The following SUPT6H variants were observed in gnomAD, a reference collection of about 807,000 sequenced individuals.
The protein encoded by SUPT6H is transcription elongation factor SPT6.
SUPT6H carries 11 observed loss-of-function variants against 222.3 expected under a neutral mutation model. The ratio of observed to expected loss-of-function variants is 0.05; its 90% CI spans 0.03 to 0.08. The LOEUF is 0.08. Among genes scored for constraint, SUPT6H ranks in the 10% least tolerant of loss-of-function variants. SUPT6H has a pLI of 1.00. For missense variants in SUPT6H, 1,422 were observed against 2,216.0 expected, an observed-to-expected ratio of 0.64 and a Z score of 7.19; for synonymous variants, 762 against 801.2, an observed-to-expected ratio of 0.95 and a Z score of 0.83.
intron 32 of SUPT6H, among the ~76,000 whole-genome samples, 180 bp downstream of exon 32, chr17:28,698,210 G>T (rs1464181372): frequency 6.6e-6 from 1 of 152,206 alleles, no homozygotes; most frequent in Non-Finnish European, 1.5e-5. Flanking sequence ...AGGCAAAAAG[G>T]CAAGGATTCA....
intron 1 of SUPT6H, 33 bp downstream of exon 1, chr17:28,662,375 A>G (rs1450264361): frequency 6.4e-6 from 1 of 157,206 alleles, no homozygotes; most frequent in Non-Finnish European, 1.4e-5. Context: ...TGTTTCTCGC[A>G]GGAGTCAGGT....
Position 28,687,338 on chromosome 17 carries a change from T to G in SUPT6H, c.2873T>G (p.Leu958Trp). ...GTGAAAGAGGAGCTGCTCAACGCCT[T>G]GTACTGTGAATTTATCAACCGAGTC... ...HVVKEELLNA[L>W]YCEFINRVNE... Residue 958 changes from leucine (L) to tryptophan (W), a missense_variant, in exon 23 of 37, where the codon TTG (leucine) becomes TGG (tryptophan). By Grantham distance (61) the Leu-to-Trp change is moderately conservative. Transcript: ENST00000314616. 9 of 1,614,152 alleles carry G rather than the reference T, an allele frequency of 5.6e-6. No individual in the cohort carries two copies. Among genetic ancestry groups the G allele is most frequent in the Middle Eastern group, 3.3e-4 (2 of 6,062 alleles).
At chr17:28,662,875 C>T (rs531798731) in intron 1 of SUPT6H, among the ~76,000 whole-genome samples, 3 of 152,302 alleles carry the variant, frequency 2.0e-5, no homozygotes, top group East Asian at 3.9e-4. Context: ...TCCTAAAGCC[C>T]GTCCATTCTC....
chr17:28,671,697 G>T (rs528293967), intron 1 of SUPT6H, among the ~76,000 whole-genome samples: 1 of 152,212 alleles, frequency 6.6e-6, no homozygotes, highest in Non-Finnish European at 1.5e-5. Flanking sequence ...GTTGGGGTTG[G>T]TTGGTACAGA....
At chr17:28,682,512 C>T (rs866052273) in intron 13 of SUPT6H, among the ~76,000 whole-genome samples, 7 of 151,984 alleles carry the variant, frequency 4.6e-5, no homozygotes, top group Non-Finnish European at 8.8e-5. Flanking sequence ...CCCAGCTACT[C>T]GGGAAAGCTG....
In SUPT6H at chr17:28,683,005, C is replaced by T. The variant is rs766127491; in HGVS notation, c.1791C>T (p.Ala597=). 1 of 1,613,962 alleles carries T rather than the reference C, an allele frequency of 6.2e-7. No individual in the cohort carries two copies. Among genetic ancestry groups the T allele is most frequent in the Non-Finnish European group, 8.5e-7 (1 of 1,179,942 alleles). The change falls in exon 15 of 37, where the codon GCC becomes GCT. Residue 597 remains alanine, a synonymous_variant. Transcript: ENST00000314616. ...GCTACATGGTAGCCCTGCAGATTGC[C>T]CGTGAGCCCCTTGTCCGGCAGGTGC... ...GARYMVALQI[A]REPLVRQVLR... is the part of the protein sequence containing the mutation.
At chr17:28,673,229 T>C in intron 1 of SUPT6H, 142 bp from the exon 2 acceptor site, 1 of 570,422 alleles carries the variant, frequency 1.8e-6, no homozygotes, top group Non-Finnish European at 3.1e-6. Context: ...ACCATCAGAT[T>C]CTTCTTTTCT....
intron 25 of SUPT6H, 52 bp from the exon 26 acceptor site, chr17:28,690,030 G>T: frequency 6.3e-7 from 1 of 1,575,346 alleles, no homozygotes; most frequent in Non-Finnish European, 8.6e-7. Context: ...ACTCCTTGAG[G>T]CTCAGGTTGG....
Position 28,697,679 on chromosome 17 carries a change from C to T in SUPT6H, c.4269C>T (p.Ala1423=), listed in dbSNP as rs2031983713. The part of the protein sequence containing the change: ...ARYVQPMASF[A]RDLLNHKYYQ... Reference sequence around the variant, plus strand: ...ATGTCCAGCCCATGGCATCCTTTGCCCGGGACCTTCTGAATCACAAGTATT... The same window carrying T: ...ATGTCCAGCCCATGGCATCCTTTGCTCGGGACCTTCTGAATCACAAGTATT... Residue 1423 remains alanine (A), a synonymous_variant, in exon 31 of 37, where the codon GCC becomes GCT. Coordinates refer to ENST00000314616, the MANE Select transcript of SUPT6H (RefSeq NM_003170.5). 6.2e-7 allele frequency: 1 copy of T among 1,614,100 alleles called. No homozygotes were observed. Among genetic ancestry groups the T allele is most frequent in the South Asian group, 1.1e-5 (1 of 91,090 alleles).
intron 2 of SUPT6H, among the ~76,000 whole-genome samples, chr17:28,673,927 A>T (rs2030582252): frequency 6.6e-6 from 1 of 152,226 alleles, no homozygotes; most frequent in South Asian, 2.1e-4. Flanking sequence ...GGGACGTACA[A>T]GTTTTATCAA....
intron 2 of SUPT6H, 52 bp from the exon 3 acceptor site, chr17:28,674,231 A>C: frequency 6.2e-7 from 1 of 1,608,216 alleles, no homozygotes; most frequent in Non-Finnish European, 8.5e-7. Context: ...AGTGACCCTG[A>C]ACCTCTAGCC....
chr17:28,695,248 C>T lies in SUPT6H; in HGVS notation c.3775-104C>T, dbSNP rs2031848081. Reference sequence around the variant, plus strand: ...GGCTGGCTTTGGGCAAGTCACTTTACACCTTACACCTTTCTGCCTGGACTT... The same window carrying T: ...GGCTGGCTTTGGGCAAGTCACTTTATACCTTACACCTTTCTGCCTGGACTT... On this transcript the variant is annotated intron_variant, in intron 28 of 36. Coordinates refer to ENST00000314616, the MANE Select transcript of SUPT6H (RefSeq NM_003170.5). 11 of 1,243,628 alleles carry T rather than the reference C, an allele frequency of 8.8e-6. No individual in the cohort carries two copies. In the South Asian group the frequency reaches 9.1e-5, roughly 10 times the overall value. The allele number at this position is 1,243,628 out of a possible 1,614,324, so 77.0% of individuals were successfully genotyped here. A position where few individuals can be genotyped will look rare whatever the true frequency, so the allele number is the denominator to read the frequency against.
chr17:28,681,216 C>T (rs2031083956), intron 11 of SUPT6H, 40 bp from the exon 12 acceptor site: 5 of 1,611,338 alleles, frequency 3.1e-6, no homozygotes, highest in Non-Finnish European at 4.2e-6. Flanking sequence ...TATACCCTTT[C>T]TGCAGTGATG....
At chr17:28,680,068 A>G (rs1272417221) in intron 11 of SUPT6H, among the ~76,000 whole-genome samples, 2 of 151,396 alleles carry the variant, frequency 1.3e-5, no homozygotes, top group South Asian at 2.1e-4. Flanking sequence ...ACTTTGGAAG[A>G]CTGAGGTGGG....
At chr17:28,697,197 A>C (rs2031965832) in intron 30 of SUPT6H, 115 bp downstream of exon 30, 1 of 833,722 alleles carries the variant, frequency 1.2e-6, no homozygotes, top group Admixed American at 2.3e-5. Context: ...AGCTGTGCAC[A>C]GCAACAAAAC....
At chr17:28,667,370 CAA>C (rs546020183) in intron 1 of SUPT6H, among the ~76,000 whole-genome samples, 319 of 6,170 alleles carry the variant, frequency 0.052, 1 homozygote, top group African/African-American at 0.14. Context: ...GACTCCGTCT[CAA>C]AAAAAAAAAA....
chr17:28,673,864 A>G (rs942232550), intron 2 of SUPT6H, among the ~76,000 whole-genome samples: 20 of 152,232 alleles, frequency 1.3e-4, no homozygotes, highest in African/African-American at 4.3e-4. Flanking sequence ...GCCAAGCCCA[A>G]TCTTTAGAAT....
chr17:28,667,166 C>T (rs2030075989), intron 1 of SUPT6H, among the ~76,000 whole-genome samples: 2 of 148,502 alleles, frequency 1.3e-5, no homozygotes, highest in South Asian at 2.1e-4. Context: ...GAGATTGAGA[C>T]TATCCTGGCT....
At chr17:28,685,076 C>G (rs1016108744) in intron 19 of SUPT6H, 115 bp downstream of exon 19, 4 of 1,015,802 alleles carry the variant, frequency 3.9e-6, no homozygotes, top group African/African-American at 1.6e-5. Context: ...TGTGTCTGAT[C>G]TGGTCACTGA....
Sources: allele counts gnomAD v4.1 joint callset (sites outside exome capture counted in the v4.1 genomes callset), GRCh38; gene constraint gnomAD v4.1.1; transcripts MANE v1.5; gene names NCBI Gene and HGNC (gene_info 2026-07-23, HGNC 2026-07-21).